CSMD1: variants seen among roughly 807,000 people sequenced by gnomAD.
The protein encoded by CSMD1 is CUB and Sushi multiple domains 1.
Under a neutral mutation model 417.5 loss-of-function variants are expected in CSMD1, and 213 were observed. That is an observed-to-expected ratio of 0.51 (90% CI 0.46 to 0.57). The LOEUF is 0.57. Among genes scored for constraint, CSMD1 ranks in the 20% least tolerant of loss-of-function variants. The pLI is 0.00. For synonymous variants in CSMD1, 2,862 were observed against 1,736.8 expected (o/e 1.65, Z -16.11); for missense variants, 6,923 against 4,529.7 (o/e 1.53, Z -15.17).
chr8:3,284,801 T>A lies in CSMD1; in HGVS notation c.3951-455A>T, dbSNP rs542892452. The A allele has an allele frequency of 1.2e-3, 195 of 162,796 alleles. 1 individual carries two copies. Among genetic ancestry groups the A allele is most frequent in the African/African-American group, 4.5e-3 (187 of 41,864 alleles). 10.1% of individuals were successfully genotyped at this position (162,796 alleles called of 1,614,324 possible). On this transcript the variant is annotated intron_variant, in intron 25 of 69. Transcript: ENST00000635120. ...GCCACAGCAGGAGAAAAGAGCTTAC[T>A]CCATTACGACCTTTTCTACCTGTGT...
chr8:4,882,174 T>C (rs146004498), intron 1 of CSMD1, among the ~76,000 whole-genome samples: 2 of 152,204 alleles, frequency 1.3e-5, no homozygotes, highest in East Asian at 3.9e-4. Context: ...CCCAGTCTCC[T>C]TGGCACTAGA....
intron 12 of CSMD1, among the ~76,000 whole-genome samples, chr8:3,459,311 C>A (rs538380824): frequency 6.6e-6 from 1 of 152,298 alleles, no homozygotes; most frequent in African/African-American, 2.4e-5. Context: ...GTGTCCCTCA[C>A]CCTGCTGGCT....
intron 1 of CSMD1, among the ~76,000 whole-genome samples, chr8:4,663,463 G>C (rs1393058620): frequency 1.3e-5 from 2 of 152,144 alleles, no homozygotes; most frequent in Admixed American, 6.5e-5. Flanking sequence ...TATTGGAGGA[G>C]GGGCCTGGTG....
chr8:4,913,771 G>A (rs1016192165), intron 1 of CSMD1, among the ~76,000 whole-genome samples: 1 of 152,120 alleles, frequency 6.6e-6, no homozygotes, highest in African/African-American at 2.4e-5. Flanking sequence ...CAGAATTAGG[G>A]AGTCACTGCC....
At chr8:3,469,040 C>A in intron 11 of CSMD1, 3 of 382,134 alleles carry the variant, frequency 7.9e-6, no homozygotes, top group Non-Finnish European at 1.4e-5. Context: ...CTATGGCTGC[C>A]AATTCGTGAA....
At chr8:3,508,872 C>T (rs1796945782) in intron 10 of CSMD1, among the ~76,000 whole-genome samples, 1 of 152,084 alleles carries the variant, frequency 6.6e-6, no homozygotes, top group African/African-American at 2.4e-5. Flanking sequence ...CAAAAGTGAC[C>T]AGTTAGAGCC....
intron 1 of CSMD1, among the ~76,000 whole-genome samples, chr8:4,667,634 TA>T (rs1484236268): frequency 1.3e-5 from 2 of 152,274 alleles, no homozygotes; most frequent in Admixed American, 6.5e-5. Context: ...CATATGGGAT[TA>T]AAAAAATACA....
chr8:3,984,092 G>A (rs1308069170), intron 5 of CSMD1, among the ~76,000 whole-genome samples: 3 of 147,450 alleles, frequency 2.0e-5, no homozygotes. Context: ...AGATCTAACA[G>A]GGCTGTCAAT....
intron 39 of CSMD1, among the ~76,000 whole-genome samples, chr8:3,151,740 T>A (rs1476115265): frequency 1.3e-5 from 2 of 152,164 alleles, no homozygotes; most frequent in African/African-American, 2.4e-5. Flanking sequence ...TCAAGATCCA[T>A]CTTCTCCTCT....
intron 3 of CSMD1, among the ~76,000 whole-genome samples, chr8:4,078,416 G>T (rs977918904): frequency 7.5e-5 from 11 of 147,538 alleles, no homozygotes; most frequent in African/African-American, 2.8e-4. Context: ...CCGGGTTCAC[G>T]CCATTCTCCT....
chr8:3,790,844 G>C (rs192799009), intron 5 of CSMD1, among the ~76,000 whole-genome samples: 4,238 of 152,190 alleles, frequency 0.028, 84 homozygotes, highest in African/African-American at 0.052. Flanking sequence ...CTGAGTAACC[G>C]TCCCTCTCCC....
chr8:3,332,224 C>T (rs1806950729), intron 23 of CSMD1, among the ~76,000 whole-genome samples: 1 of 152,200 alleles, frequency 6.6e-6, no homozygotes, highest in African/African-American at 2.4e-5. Context: ...AATGACTTTT[C>T]CTTAAAACGT....
intron 10 of CSMD1, among the ~76,000 whole-genome samples, chr8:3,566,026 T>G (rs1799690195): frequency 6.6e-6 from 1 of 152,138 alleles, no homozygotes; most frequent in East Asian, 1.9e-4. Flanking sequence ...GAATAAAACA[T>G]AAACTCTTTG....
intron 41 of CSMD1, among the ~76,000 whole-genome samples, chr8:3,120,951 T>TA (rs1563064036): frequency 6.6e-6 from 1 of 152,108 alleles, no homozygotes; most frequent in African/African-American, 2.4e-5. Context: ...AATAGGGCCA[T>TA]AAAAAATCAG....
At chr8:3,811,133 C>G (rs935219786) in intron 5 of CSMD1, among the ~76,000 whole-genome samples, 1 of 152,132 alleles carries the variant, frequency 6.6e-6, no homozygotes, top group Non-Finnish European at 1.5e-5. Context: ...ATGTCCATAA[C>G]TCCTCTATGA....
At chr8:4,286,415 G>A (rs559109732) in intron 3 of CSMD1, among the ~76,000 whole-genome samples, 5 of 152,144 alleles carry the variant, frequency 3.3e-5, no homozygotes, top group Non-Finnish European at 7.4e-5. Context: ...ACATGAGACA[G>A]AGAAAAATCA....
chr8:4,298,023 A>C (rs561905353), intron 3 of CSMD1, among the ~76,000 whole-genome samples: 122 of 152,254 alleles, frequency 8.0e-4, no homozygotes, highest in Non-Finnish European at 1.6e-3. Context: ...CCTTCAATAA[A>C]TTGATTTTAT....
intron 3 of CSMD1, among the ~76,000 whole-genome samples, chr8:4,214,440 G>A (rs147055533): frequency 5.3e-5 from 8 of 152,138 alleles, no homozygotes; most frequent in Non-Finnish European, 1.0e-4. Flanking sequence ...TGAGACTGCA[G>A]GCATGCACCA....
At chr8:4,212,303 A>G (rs1440925052) in intron 3 of CSMD1, among the ~76,000 whole-genome samples, 2 of 152,178 alleles carry the variant, frequency 1.3e-5, no homozygotes, top group South Asian at 2.1e-4. Flanking sequence ...AAAACTAGAT[A>G]CCTACCACCC....
Sources: allele counts gnomAD v4.1 joint callset (sites outside exome capture counted in the v4.1 genomes callset), GRCh38; gene constraint gnomAD v4.1.1; transcripts MANE v1.5; gene names NCBI Gene and HGNC (gene_info 2026-07-23, HGNC 2026-07-21).